DIP2C: variants seen among roughly 807,000 people sequenced by gnomAD.
The protein encoded by DIP2C is DIP2 acetate--CoA ligase C (putative).
Under a neutral mutation model 192.4 loss-of-function variants are expected in DIP2C, and 33 were observed. The ratio of observed to expected loss-of-function variants is 0.17; its 90% CI spans 0.13 to 0.23. The LOEUF is 0.23. Among genes scored for constraint, DIP2C ranks in the 10% least tolerant of loss-of-function variants. DIP2C has a pLI of 1.00. For missense variants in DIP2C, 1,537 were observed against 2,110.1 expected, an observed-to-expected ratio of 0.73 and a Z score of 5.32; for synonymous variants, 979 against 864.1, an observed-to-expected ratio of 1.13 and a Z score of -2.33.
chr10:401,355 T>C lies in DIP2C; in HGVS notation c.1150-2136A>G, dbSNP rs549526097. On this transcript the variant is annotated intron_variant, in intron 9 of 36. Transcript: ENST00000280886. ...GAATCCTATGATTTTACATGTGTGG[T>C]AGCATTAGCATTACTCTTCCTTATG... 1.0e-3 allele frequency among the ~76,000 whole-genome samples: 159 copies of C among 151,532 alleles called. 2 individuals carry two copies. The highest frequency in any genetic ancestry group is 3.8e-3 in the African/African-American group (156 of 41,248).
intron 31 of DIP2C, among the ~76,000 whole-genome samples, chr10:326,111 C>CGGGGGGCA (rs1564558979): frequency 1.3e-5 from 2 of 151,830 alleles, no homozygotes; most frequent in African/African-American, 4.8e-5. Context: ...AGCCTGGGAG[C>CGGGGGGCA]GGGGGGCAGG....
At chr10:279,794 G>A (rs3125025) in intron 36 of DIP2C, among the ~76,000 whole-genome samples, 149,675 of 152,312 alleles carry the variant, frequency 0.98, 73,577 homozygotes, top group East Asian at 1. Context: ...TCCAGTTTGG[G>A]GGTCACATGG....
chr10:392,367 G>A (rs1018515683), intron 10 of DIP2C, among the ~76,000 whole-genome samples: 6 of 152,192 alleles, frequency 3.9e-5, no homozygotes, highest in African/African-American at 1.4e-4. Flanking sequence ...CAGGCCAGGA[G>A]CCAACCTTTC....
rs139429573 is a variant in DIP2C at position 549,668 on chromosome 10, C to T, written c.86-63138G>A. ...GGGCTTCAGAGCGGAGGGCCCCCCCCGACCAGGTGCTGGAGGCAGCGGGAC... is the reference window on the plus strand; with the variant it reads ...GGGCTTCAGAGCGGAGGGCCCCCCCTGACCAGGTGCTGGAGGCAGCGGGAC... On this transcript the variant is annotated intron_variant, in intron 1 of 36. Coordinates refer to ENST00000280886, the MANE Select transcript of DIP2C (RefSeq NM_014974.3). Among the ~76,000 whole-genome samples, 815 of 152,276 alleles carry T rather than the reference C, an allele frequency of 5.4e-3. 7 individuals are homozygous for T. The highest frequency in any genetic ancestry group is 0.018 in the African/African-American group (754 of 41,554).
At chr10:602,805 T>A (rs555968974) in intron 1 of DIP2C, among the ~76,000 whole-genome samples, 11 of 151,876 alleles carry the variant, frequency 7.2e-5, no homozygotes, top group Non-Finnish European at 1.5e-4. Context: ...AGAACCAGGG[T>A]GTCGATCCTT....
chr10:321,026 A>T (rs566674101), intron 31 of DIP2C, among the ~76,000 whole-genome samples: 3 of 130,780 alleles, frequency 2.3e-5, no homozygotes, highest in Non-Finnish European at 3.3e-5. Flanking sequence ...AGCAGGAAAG[A>T]CTGCATGAGA....
At chr10:611,105 G>A (rs1321824395) in intron 1 of DIP2C, among the ~76,000 whole-genome samples, 1 of 152,132 alleles carries the variant, frequency 6.6e-6, no homozygotes, top group Non-Finnish European at 1.5e-5. Flanking sequence ...TGACTCATGA[G>A]GGAGGTTTCT....
chr10:536,187 C>T (rs1588413817), intron 1 of DIP2C, among the ~76,000 whole-genome samples: 2 of 152,348 alleles, frequency 1.3e-5, no homozygotes, highest in South Asian at 4.1e-4. Context: ...TCAGGCGTCC[C>T]TCAGCTTGAA....
intron 3 of DIP2C, among the ~76,000 whole-genome samples, chr10:472,188 C>G (rs921474327): frequency 6.6e-6 from 1 of 152,162 alleles, no homozygotes; most frequent in Non-Finnish European, 1.5e-5. Flanking sequence ...AAATTTGGCA[C>G]GAGATTATAA....
intron 10 of DIP2C, among the ~76,000 whole-genome samples, chr10:392,526 T>C (rs1390947257): frequency 6.6e-6 from 1 of 152,114 alleles, no homozygotes; most frequent in Non-Finnish European, 1.5e-5. Context: ...TCAGCCAAGG[T>C]GAGGCTGGGC....
chr10:548,702 G>T (rs1848433615), intron 1 of DIP2C, among the ~76,000 whole-genome samples: 1 of 151,804 alleles, frequency 6.6e-6, no homozygotes, highest in South Asian at 2.1e-4. Context: ...GACAAGAGGG[G>T]TCTCCAGGCC....
At chr10:656,309 C>G (rs1856331425) in intron 1 of DIP2C, among the ~76,000 whole-genome samples, 1 of 151,888 alleles carries the variant, frequency 6.6e-6, no homozygotes, top group Non-Finnish European at 1.5e-5. Context: ...ACTGTTTCTT[C>G]TACTCTATGC....
intron 1 of DIP2C, among the ~76,000 whole-genome samples, chr10:495,694 T>C (rs184205796): frequency 3.3e-5 from 5 of 152,276 alleles, no homozygotes; most frequent in Admixed American, 2.6e-4. Flanking sequence ...GCTCAGCATT[T>C]ACATAGAACC....
chr10:583,574 G>A (rs1266063885), intron 1 of DIP2C, among the ~76,000 whole-genome samples: 1 of 152,202 alleles, frequency 6.6e-6, no homozygotes, highest in Non-Finnish European at 1.5e-5. Flanking sequence ...GCCCTCTTGT[G>A]TCCCACAGCC....
chr10:480,098 C>T (rs902487393), intron 2 of DIP2C, among the ~76,000 whole-genome samples: 3 of 150,692 alleles, frequency 2.0e-5, no homozygotes, highest in Admixed American at 6.6e-5. Flanking sequence ...AGCTCCGGTC[C>T]ACGCTCACTG....
chr10:484,788 A>G (rs774212873), intron 2 of DIP2C: 31 of 1,610,884 alleles, frequency 1.9e-5, no homozygotes, highest in African/African-American at 4.0e-5. Flanking sequence ...CACCGAAACG[A>G]AAGTAAAACA....
intron 3 of DIP2C, among the ~76,000 whole-genome samples, chr10:443,230 A>G (rs1249387566): frequency 1.3e-5 from 2 of 152,216 alleles, no homozygotes; most frequent in Non-Finnish European, 1.5e-5. Context: ...TAGTTTTAGC[A>G]TCCACTGATG....
chr10:309,694 G>A (rs1956488305), intron 32 of DIP2C, among the ~76,000 whole-genome samples: 1 of 152,106 alleles, frequency 6.6e-6, no homozygotes. Context: ...AAAGAGCTGG[G>A]ATGACAAGTG....
chr10:510,460 A>C (rs1343077818), intron 1 of DIP2C, among the ~76,000 whole-genome samples: 1 of 152,154 alleles, frequency 6.6e-6, no homozygotes, highest in African/African-American at 2.4e-5. Context: ...CCGTATGTGG[A>C]CCAGCAACGC....
Sources: gnomAD v4.1 joint callset for allele counts (sites outside exome capture counted in the v4.1 genomes callset) on GRCh38, gnomAD v4.1.1 for gene constraint, MANE v1.5 for transcripts, NCBI Gene and HGNC (gene_info 2026-07-23, HGNC 2026-07-21) for gene names.